Variants in CTNNA2 observed in about 807,000 individuals in gnomAD.
The protein encoded by CTNNA2 is catenin alpha-2.
In CTNNA2, 42 loss-of-function variants were observed where a neutral mutation model predicts 101.0. That is an observed-to-expected ratio of 0.42 (90% CI 0.32 to 0.54). The LOEUF is 0.54. CTNNA2 is among the 20% of genes least tolerant of loss of function. The pLI is 0.14. For synonymous variants in CTNNA2, 450 were observed against 456.4 expected (o/e 0.99, Z 0.18); for missense variants, 871 against 1,223.1 (o/e 0.71, Z 4.29).
At chr2:80,579,090 T>G (rs1375946413) in intron 13 of CTNNA2, 1 of 152,194 alleles carries the variant, frequency 6.6e-6, no homozygotes, top group Non-Finnish European at 1.5e-5. Context: ...GTAGTGAAAC[T>G]AAGTGACTTG....
intron 3 of CTNNA2, among the ~76,000 whole-genome samples, chr2:79,349,002 T>C (rs1285048134): frequency 6.6e-6 from 1 of 152,232 alleles, no homozygotes; most frequent in African/African-American, 2.4e-5. Flanking sequence ...TCAAAGATCA[T>C]GGAATATCAA....
chr2:80,593,258 C>T (rs1573391528), intron 15 of CTNNA2, among the ~76,000 whole-genome samples: 1 of 152,102 alleles, frequency 6.6e-6, no homozygotes, highest in East Asian at 1.9e-4. Flanking sequence ...ACCAACGTGG[C>T]CAGTCTTCTT....
At chr2:79,563,977 G>C (rs1344900924) in intron 1 of CTNNA2, among the ~76,000 whole-genome samples, 2 of 152,064 alleles carry the variant, frequency 1.3e-5, no homozygotes, top group Non-Finnish European at 2.9e-5. Flanking sequence ...TCTCCAGGAT[G>C]CATTACTGGA....
intron 7 of CTNNA2, among the ~76,000 whole-genome samples, chr2:80,284,822 T>C (rs1041637147): frequency 6.6e-6 from 1 of 152,122 alleles, no homozygotes; most frequent in African/African-American, 2.4e-5. Flanking sequence ...ATGATTATGG[T>C]TGCATAGATA....
Position 79,923,076 on chromosome 2 carries a change from A to G in CTNNA2, c.1056+13279A>G, listed in dbSNP as rs139288217. On this transcript the variant is annotated intron_variant, in intron 7 of 18. Coordinates refer to ENST00000402739, the MANE Select transcript of CTNNA2 (RefSeq NM_001282597.3). Reference sequence around the variant, plus strand: ...CTAGCAGAACCCTGCCAGCACTCCAAATAGAAGGCAGACAGCAGCAGCCTT... The same window carrying G: ...CTAGCAGAACCCTGCCAGCACTCCAGATAGAAGGCAGACAGCAGCAGCCTT... Among the ~76,000 whole-genome samples, 150 of 152,202 alleles carry G rather than the reference A, an allele frequency of 9.9e-4. 1 individual carries two copies. The highest frequency in any genetic ancestry group is 3.4e-3 in the African/African-American group (142 of 41,540).
intron 3 of CTNNA2, among the ~76,000 whole-genome samples, chr2:79,748,232 CAGAG>C (rs947500514): frequency 2.2e-4 from 34 of 152,232 alleles, no homozygotes; most frequent in African/African-American, 7.9e-4. Context: ...CATTGATTTT[CAGAG>C]AGAGAGGTAG....
chr2:79,221,699 G>A (rs1277665456), intron 2 of CTNNA2, among the ~76,000 whole-genome samples: 3 of 151,866 alleles, frequency 2.0e-5, no homozygotes, highest in Non-Finnish European at 4.4e-5. Flanking sequence ...AAATTTATTA[G>A]ATCTATTAAT....
chr2:79,247,964 A>G (rs1674719824), intron 2 of CTNNA2, among the ~76,000 whole-genome samples: 1 of 152,232 alleles, frequency 6.6e-6, no homozygotes, highest in African/African-American at 2.4e-5. Flanking sequence ...GTAATTTCAT[A>G]GTTCTGGCTT....
intron 7 of CTNNA2, among the ~76,000 whole-genome samples, chr2:80,006,412 C>T (rs936673782): frequency 6.7e-6 from 1 of 149,788 alleles, no homozygotes; most frequent in Non-Finnish European, 1.5e-5. Flanking sequence ...GGTCAAATAA[C>T]TTGTCTAGAA....
At chr2:79,261,346 C>T (rs1674918809) in intron 2 of CTNNA2, among the ~76,000 whole-genome samples, 1 of 152,116 alleles carries the variant, frequency 6.6e-6, no homozygotes, top group Non-Finnish European at 1.5e-5. Context: ...ACGTGGAGAC[C>T]CTGGGACACA....
At chr2:80,280,135 G>C (rs1558965213) in intron 7 of CTNNA2, among the ~76,000 whole-genome samples, 1 of 151,084 alleles carries the variant, frequency 6.6e-6, no homozygotes, top group Non-Finnish European at 1.5e-5. Context: ...GACCAAATAG[G>C]ATCTTGTGTG....
At chr2:80,591,773 C>G (rs2149742462) in intron 15 of CTNNA2, among the ~76,000 whole-genome samples, 1 of 152,144 alleles carries the variant, frequency 6.6e-6, no homozygotes, top group Middle Eastern at 3.4e-3. Context: ...TTATCACTAG[C>G]TAATTCATTA....
intron 2 of CTNNA2, among the ~76,000 whole-genome samples, chr2:79,247,903 C>T (rs1294308692): frequency 6.6e-6 from 1 of 152,146 alleles, no homozygotes; most frequent in East Asian, 1.9e-4. Context: ...TCTCTGGAGC[C>T]TCTAGAAGGA....
intron 2 of CTNNA2, among the ~76,000 whole-genome samples, chr2:79,284,696 A>ATC (rs1387994433): frequency 6.6e-6 from 1 of 150,792 alleles, no homozygotes; most frequent in Non-Finnish European, 1.5e-5. Context: ...ATCAATGTTC[A>ATC]TCAAGGATAT....
chr2:80,368,188 C>G (rs1559049739), intron 7 of CTNNA2, among the ~76,000 whole-genome samples: 1 of 152,080 alleles, frequency 6.6e-6, no homozygotes. Flanking sequence ...CCTCTCCTGT[C>G]TATGTAATCT....
intron 2 of CTNNA2, among the ~76,000 whole-genome samples, chr2:79,246,478 C>G (rs931144941): frequency 6.6e-6 from 1 of 152,210 alleles, no homozygotes. Context: ...AACTGTCATG[C>G]AAGTCCACAG....
rs1015409570 is a variant in CTNNA2, at chr2:79,461,848, T to C, written c.-134-43206T>C. 2.0e-5 allele frequency among the ~76,000 whole-genome samples: 3 copies of C among 151,992 alleles called. 1 individual carries two copies. Among genetic ancestry groups the C allele is most frequent in the Non-Finnish European group, 4.4e-5 (3 of 68,004 alleles). The stretch of plus-strand genomic sequence containing the variant: ...AAAGAAAAACATGAAAATGAGAGAA[T>C]AAATTGTCACTTCAGAAGATAATTT... On this transcript the variant is annotated intron_variant, in intron 4 of 21. Transcript: ENST00000466387.
chr2:79,722,414 G>A (rs1460110018), intron 2 of CTNNA2, among the ~76,000 whole-genome samples: 2 of 152,136 alleles, frequency 1.3e-5, no homozygotes, highest in African/African-American at 4.8e-5. Context: ...AGAAATGTAC[G>A]TTCAGTTAAC....
At chr2:79,817,444 C>T (rs1473268158) in intron 3 of CTNNA2, among the ~76,000 whole-genome samples, 5 of 148,616 alleles carry the variant, frequency 3.4e-5, no homozygotes, top group Non-Finnish European at 1.5e-5. Flanking sequence ...TGGGATCAGG[C>T]TCTCGTATTT....
Sources: allele counts gnomAD v4.1 joint callset (sites outside exome capture counted in the v4.1 genomes callset), GRCh38; gene constraint gnomAD v4.1.1; transcripts MANE v1.5; gene names NCBI Gene and HGNC (gene_info 2026-07-23, HGNC 2026-07-21).